PPARGC1A: variants seen among roughly 807,000 people sequenced by gnomAD.
PPARGC1A encodes peroxisome proliferator-activated receptor gamma coactivator 1-alpha.
A neutral mutation model predicts 88.7 loss-of-function variants in PPARGC1A; 25 were observed. That is an observed-to-expected ratio of 0.28 (90% CI 0.21 to 0.39). PPARGC1A has a LOEUF of 0.39. Among genes scored for constraint, PPARGC1A ranks in the 10% least tolerant of loss-of-function variants. The probability of loss-of-function intolerance (pLI) is 1.00; values close to 1 mark genes in which losing one functional copy is unlikely to be tolerated. For synonymous variants in PPARGC1A, 363 were observed against 355.6 expected (o/e 1.02, Z -0.24); for missense variants, 880 against 968.7 (o/e 0.91, Z 1.22).
chr4:23,879,410 C>A (rs549633747), intron 2 of PPARGC1A, among the ~76,000 whole-genome samples: 117 of 152,262 alleles, frequency 7.7e-4, no homozygotes, highest in African/African-American at 2.6e-3. Context: ...ATAGAGGGCC[C>A]CTTTGTAAAA....
chr4:24,135,652 C>T, the PPARGC1A span, among the ~76,000 whole-genome samples: 2 of 152,132 alleles, frequency 1.3e-5, no homozygotes, highest in Non-Finnish European at 1.5e-5. Context: ...GCCCAGCCCA[C>T]CTCCTGAAAG....
chr4:23,836,406 G>C (rs1011618036), intron 2 of PPARGC1A, among the ~76,000 whole-genome samples: 1 of 152,188 alleles, frequency 6.6e-6, no homozygotes, highest in Non-Finnish European at 1.5e-5. Flanking sequence ...CTGTGTGACT[G>C]TAACACCTTA....
the PPARGC1A span, among the ~76,000 whole-genome samples, chr4:23,979,671 G>C: frequency 1.2e-4 from 18 of 152,190 alleles, no homozygotes; most frequent in Admixed American, 3.9e-4. Flanking sequence ...CAACCCTGCG[G>C]GGGGGACAAG....
intron 2 of PPARGC1A, among the ~76,000 whole-genome samples, chr4:23,873,214 A>AAAAAAAAAAAAAAAAAAAG (rs1324291868): frequency 1.4e-5 from 2 of 145,746 alleles, no homozygotes; most frequent in Non-Finnish European, 3.1e-5. Flanking sequence ...AAAAAATAAA[A>AAAAAAAAAAAAAAAAAAAG]AATAAAAAAT....
At chr4:23,967,021 G>A in the PPARGC1A span, among the ~76,000 whole-genome samples, 1 of 152,164 alleles carries the variant, frequency 6.6e-6, no homozygotes, top group Non-Finnish European at 1.5e-5. Context: ...GACAGCATAT[G>A]CAAAACTCAT....
At chr4:23,961,961 C>T in the PPARGC1A span, among the ~76,000 whole-genome samples, 3 of 152,078 alleles carry the variant, frequency 2.0e-5, no homozygotes, top group South Asian at 2.1e-4. Context: ...TTGCAGATCA[C>T]GACCAATAAA....
At chr4:24,118,768 G>C in the PPARGC1A span, among the ~76,000 whole-genome samples, 2 of 152,046 alleles carry the variant, frequency 1.3e-5, no homozygotes, top group African/African-American at 4.8e-5. Flanking sequence ...ATACACATGG[G>C]ATATTTAAAG....
the PPARGC1A span, among the ~76,000 whole-genome samples, chr4:24,372,522 C>A: frequency 6.6e-6 from 1 of 152,176 alleles, no homozygotes; most frequent in African/African-American, 2.4e-5. Context: ...GTGGCCTTTT[C>A]TCGTTTCTAT....
intron 1 of PPARGC1A, among the ~76,000 whole-genome samples, chr4:23,886,485 G>C (rs924460048): frequency 1.3e-5 from 2 of 152,130 alleles, no homozygotes; most frequent in Non-Finnish European, 2.9e-5. Context: ...AAGACCATTG[G>C]ACCCCAGTGA....
At chr4:24,207,318 A>T in the PPARGC1A span, among the ~76,000 whole-genome samples, 1 of 152,208 alleles carries the variant, frequency 6.6e-6, no homozygotes. Flanking sequence ...ACTTATGTAC[A>T]CACCTCTCTA....
the PPARGC1A span, among the ~76,000 whole-genome samples, chr4:24,126,942 A>T: frequency 6.6e-6 from 1 of 152,150 alleles, no homozygotes; most frequent in African/African-American, 2.4e-5. Context: ...CAGCCCTTTT[A>T]TCCAGCTTCC....
chr4:24,381,053 T>A, the PPARGC1A span, among the ~76,000 whole-genome samples: 1 of 150,196 alleles, frequency 6.7e-6, no homozygotes, highest in Admixed American at 6.6e-5. Context: ...GCTCTGACAA[T>A]TGGGAGACAT....
the PPARGC1A span, among the ~76,000 whole-genome samples, chr4:24,061,397 C>T: frequency 6.6e-6 from 1 of 152,216 alleles, no homozygotes; most frequent in Non-Finnish European, 1.5e-5. Context: ...GCTAAGAAAG[C>T]ATCTTAAAAA....
the PPARGC1A span, among the ~76,000 whole-genome samples, chr4:23,954,552 T>A: frequency 6.6e-6 from 1 of 152,034 alleles, no homozygotes; most frequent in Non-Finnish European, 1.5e-5. Flanking sequence ...TTCTTGGTAA[T>A]CATATAACAT....
chr4:24,284,171 G>A, the PPARGC1A span, among the ~76,000 whole-genome samples: 1 of 151,618 alleles, frequency 6.6e-6, no homozygotes, highest in Non-Finnish European at 1.5e-5. Context: ...TGGTGGGGCA[G>A]GGGGGCACCT....
the PPARGC1A span, among the ~76,000 whole-genome samples, chr4:24,457,287 C>T: frequency 2.6e-5 from 4 of 152,004 alleles, no homozygotes; most frequent in South Asian, 4.2e-4. Flanking sequence ...GGTCCAAAGA[C>T]GTTGTTGAAA....
chr4:24,327,593 A>G, the PPARGC1A span, among the ~76,000 whole-genome samples: 1 of 151,936 alleles, frequency 6.6e-6, no homozygotes, highest in Non-Finnish European at 1.5e-5. Context: ...CAATCATCCT[A>G]TGCGACAAAT....
At chr4:24,154,223 T>A in the PPARGC1A span, among the ~76,000 whole-genome samples, 1 of 125,580 alleles carries the variant, frequency 8.0e-6, no homozygotes, top group Non-Finnish European at 1.8e-5. Context: ...GCTCATAAGC[T>A]GTGTTCTACC....
At chr4:24,239,463 T>C in the PPARGC1A span, among the ~76,000 whole-genome samples, 16 of 152,326 alleles carry the variant, frequency 1.1e-4, no homozygotes, top group East Asian at 3.1e-3. Flanking sequence ...TCTCTACCAC[T>C]AGCTTCCTGC....
Sources: gnomAD v4.1 joint callset for allele counts (sites outside exome capture counted in the v4.1 genomes callset) on GRCh38, gnomAD v4.1.1 for gene constraint, MANE v1.5 for transcripts, NCBI Gene and HGNC (gene_info 2026-07-23, HGNC 2026-07-21) for gene names.